The following TRMT6 variants were observed in gnomAD, a reference collection of about 807,000 sequenced individuals.
The protein encoded by TRMT6 is tRNA (adenine(58)-N(1))-methyltransferase non-catalytic subunit TRM6.
A neutral mutation model predicts 59.0 loss-of-function variants in TRMT6; 34 were observed. The observed-to-expected ratio is 0.58, with a 90% CI of 0.44 to 0.77. The LOEUF (loss-of-function observed/expected upper bound fraction) is 0.77. Among genes scored for constraint, TRMT6 ranks in the 30% least tolerant of loss-of-function variants. The pLI, the probability that TRMT6 is intolerant of heterozygous loss-of-function variation, is 0.00. For synonymous variants in TRMT6, 217 were observed against 210.5 expected (o/e 1.03, Z -0.27); for missense variants, 575 against 604.5 (o/e 0.95, Z 0.51).
intron 1 of TRMT6, 120 bp from the exon 2 acceptor site, chr20:5,946,653 T>G: frequency 1.1e-6 from 1 of 900,184 alleles, no homozygotes; most frequent in Non-Finnish European, 1.7e-6. Context: ...GCATTATCTC[T>G]GAACATAAAG....
intron 3 of TRMT6, 58 bp downstream of exon 3, chr20:5,944,747 A>G (rs1234884241): frequency 7.2e-7 from 1 of 1,388,128 alleles, no homozygotes; most frequent in African/African-American, 1.4e-5. Flanking sequence ...TTAAAAACCC[A>G]ACAGTTTCCT....
In TRMT6 at chr20:5,944,182, A is replaced by G. The variant is rs35861347; in HGVS notation, c.438T>C (p.Tyr146=). Residue 146 remains tyrosine, a synonymous_variant, in exon 4 of 11, where the codon TAT becomes TAC. Transcript: ENST00000203001. ...CTTACTTTTTTTTCTTCTTTTTAAT[A>G]TATTTATCTTGGGCAAATTCTGTCT... The part of the protein sequence containing the change: ...RDKTEFAQDK[Y]IKKKKKKYEA... 0.028 allele frequency: 43,239 copies of G among 1,542,748 alleles called. 1,182 individuals carry two copies. Among genetic ancestry groups the G allele is most frequent in the African/African-American group, 0.1 (7,551 of 72,478 alleles).
Position 5,950,377 on chromosome 20 carries a change from G to A in TRMT6, c.29C>T (p.Pro10Leu), listed in dbSNP as rs978154572. 6.2e-7 allele frequency: 1 copy of A among 1,607,026 alleles called. No individual in the cohort carries two copies. Among genetic ancestry groups the A allele is most frequent in the African/African-American group, 1.3e-5 (1 of 74,938 alleles). ...GTGGTCTCCGGGATGCTGTGGTTGT[G>A]GGCCCGGCTGCTCCCCTGAGCCCTC... MEGSGEQPG[P>L]QPQHPGDHRI... The change falls in exon 1 of 11, where the codon CCA (proline) becomes CTA (leucine). Residue 10 changes from proline to leucine, a missense_variant. Coordinates refer to ENST00000203001, the MANE Select transcript of TRMT6 (RefSeq NM_015939.5).
intron 2 of TRMT6, among the ~76,000 whole-genome samples, chr20:5,946,086 C>T (rs1161372390): frequency 6.6e-6 from 1 of 152,216 alleles, no homozygotes; most frequent in Non-Finnish European, 1.5e-5. Flanking sequence ...CATATGCTAA[C>T]CACCTCACAG....
rs772773211 is a variant in TRMT6, at chr20:5,950,362, G to A, written c.44C>T (p.Pro15Leu). The change falls in exon 1 of 11, where the codon CCC becomes CTC. Residue 15 changes from proline (P) to leucine (L), a missense_variant. Coordinates refer to ENST00000203001, the MANE Select transcript of TRMT6 (RefSeq NM_015939.5). ...GEQPGPQPQH[P>L]GDHRIRDGDF... Reference sequence around the variant, plus strand: ...GCCGTCGCGGATGCGGTGGTCTCCGGGATGCTGTGGTTGTGGGCCCGGCTG... The same window carrying A: ...GCCGTCGCGGATGCGGTGGTCTCCGAGATGCTGTGGTTGTGGGCCCGGCTG... 1.9e-6 allele frequency: 3 copies of A among 1,610,640 alleles called. No homozygotes were observed. The highest frequency in any genetic ancestry group is 3.3e-5 in the Admixed American group (2 of 60,006).
chr20:5,944,902 GCTT>G lies in TRMT6; in HGVS notation c.266_268del (p.Glu89del), dbSNP rs1568559604. On this transcript the variant is annotated inframe_deletion, in exon 3 of 11. Transcript: ENST00000203001. ...AACTATATTTCGATTATCAGTGCCC[GCTT>G]CTTTAGTCTCTAAGGAAAGAAATTG... is the stretch of plus-strand genomic sequence containing the variant. 6.2e-7 allele frequency: 1 copy of G among 1,611,592 alleles called. No homozygotes were observed. Among genetic ancestry groups the G allele is most frequent in the Non-Finnish European group, 8.5e-7 (1 of 1,178,054 alleles).
At chr20:5,948,757 C>T (rs1040800736) in intron 1 of TRMT6, among the ~76,000 whole-genome samples, 10 of 152,042 alleles carry the variant, frequency 6.6e-5, no homozygotes, top group Admixed American at 2.6e-4. Flanking sequence ...ATTACATTTC[C>T]GGACTAAAAG....
intron 7 of TRMT6, 119 bp from the exon 8 acceptor site, chr20:5,942,155 G>T: frequency 1.1e-6 from 1 of 947,798 alleles, no homozygotes; most frequent in East Asian, 2.4e-5. Context: ...ACCAATAGAA[G>T]CAGGTTGTTT....
intron 10 of TRMT6, among the ~76,000 whole-genome samples, 184 bp from the exon 11 acceptor site, chr20:5,938,910 T>TCCTTCCTCCCTC (rs996914425): frequency 5.4e-5 from 8 of 146,940 alleles, no homozygotes; most frequent in African/African-American, 1.7e-4. Context: ...TTCCTTCCCT[T>TCCTTCCTCCCTC]CCTTCCTCCC....
Position 5,946,764 on chromosome 20 carries a change from C to T in TRMT6, c.129-231G>A, listed in dbSNP as rs144260671. Among the ~76,000 whole-genome samples the T allele has an allele frequency of 1.0e-3, 155 of 152,188 alleles. 1 individual carries two copies. The highest frequency in any genetic ancestry group is 3.6e-3 in the African/African-American group (150 of 41,526). On this transcript the variant is annotated intron_variant, in intron 1 of 10. Coordinates refer to ENST00000203001, the MANE Select transcript of TRMT6 (RefSeq NM_015939.5). ...TTGGAAAGGGGAAGCAAAGACTCAT[C>T]GAAGTAACAAGGATTTAACAAATTT...
At chr20:5,949,578 C>T (rs2088755865) in intron 1 of TRMT6, among the ~76,000 whole-genome samples, 1 of 152,170 alleles carries the variant, frequency 6.6e-6, no homozygotes, top group Non-Finnish European at 1.5e-5. Flanking sequence ...GAGCAAATTG[C>T]TTTTTAGCAA....
intron 10 of TRMT6, among the ~76,000 whole-genome samples, chr20:5,939,969 T>C (rs1028771068): frequency 2.0e-5 from 3 of 152,194 alleles, no homozygotes; most frequent in African/African-American, 7.2e-5. Context: ...GCCGCTCCTT[T>C]GGGATCCACT....
intron 1 of TRMT6, among the ~76,000 whole-genome samples, chr20:5,949,314 T>C (rs1272952651): frequency 6.6e-6 from 1 of 152,024 alleles, no homozygotes; most frequent in East Asian, 1.9e-4. Context: ...TGAGCCGAGA[T>C]TGCACTACTG....
At chr20:5,938,888 TCCC>T (rs1461134082) in intron 10 of TRMT6, among the ~76,000 whole-genome samples, 162 bp from the exon 11 acceptor site, 1 of 139,186 alleles carries the variant, frequency 7.2e-6, no homozygotes, top group Non-Finnish European at 1.6e-5. Flanking sequence ...CCTCCCTCTC[TCCC>T]TTCCTTCCTT....
At position 5,938,665 on chromosome 20, in the gene TRMT6, G is replaced by C. The variant is rs765738906; in HGVS notation, c.1364C>G (p.Ser455Cys). ...GTTGTCCATGGCAACGGTGAAGCCGGAGAGAAGATAACCCCCACCTCCACT... is the reference window on the plus strand; with the variant it reads ...GTTGTCCATGGCAACGGTGAAGCCGCAGAGAAGATAACCCCCACCTCCACT... ...LMSGGGGYLL[S>C]GFTVAMDNLK... The change falls in exon 11 of 11, where the codon TCC (serine) becomes TGC (cysteine). Residue 455 changes from serine to cysteine, a missense_variant. Transcript: ENST00000203001. 1 of 1,614,192 alleles carries C rather than the reference G, an allele frequency of 6.2e-7. No individual in the cohort carries two copies.
intron 5 of TRMT6, 89 bp from the exon 6 acceptor site, chr20:5,943,772 A>G: frequency 6.4e-7 from 1 of 1,553,110 alleles, no homozygotes; most frequent in African/African-American, 1.4e-5. Context: ...TGCTTTATTA[A>G]AATTGTGTTG....
At chr20:5,945,371 C>G (rs1302093413) in intron 2 of TRMT6, among the ~76,000 whole-genome samples, 2 of 152,230 alleles carry the variant, frequency 1.3e-5, no homozygotes, top group Admixed American at 1.3e-4. Context: ...GCACCTGCTG[C>G]TTCCTCTGCC....
chr20:5,950,152 C>T (rs1193130454), intron 1 of TRMT6, 126 bp downstream of exon 1: 11 of 982,390 alleles, frequency 1.1e-5, no homozygotes, highest in Non-Finnish European at 5.9e-6. Context: ...ACAACGAGGG[C>T]GGGGAATGGG....
At position 5,937,759 on chromosome 20, in the gene TRMT6, TA is replaced by T. The variant is rs1433115247; in HGVS notation, c.*775del. 6.6e-6 allele frequency: 1 copy of T among 152,218 alleles called. No individual in the cohort carries two copies. 9.4% of individuals were successfully genotyped at this position (152,218 alleles called of 1,614,324 possible). ...GTATATATCTGTGTATATATAAATA[TA>T]TGTGTGTATATATACCAACATCTAT... On this transcript the variant is annotated 3_prime_UTR_variant, in exon 11 of 11. Coordinates refer to ENST00000203001, the MANE Select transcript of TRMT6 (RefSeq NM_015939.5).
Sources: gnomAD v4.1 joint callset for allele counts (sites outside exome capture counted in the v4.1 genomes callset) on GRCh38, gnomAD v4.1.1 for gene constraint, MANE v1.5 for transcripts, NCBI Gene and HGNC (gene_info 2026-07-23, HGNC 2026-07-21) for gene names.